PLPPR1: variants seen among roughly 807,000 people sequenced by gnomAD.
PLPPR1 encodes the protein phospholipid phosphatase related 1.
Under a neutral mutation model 33.1 loss-of-function variants are expected in PLPPR1, and 10 were observed. That is an observed-to-expected ratio of 0.30 (90% CI 0.19 to 0.51). The LOEUF (loss-of-function observed/expected upper bound fraction) is 0.51. Ranked by LOEUF, PLPPR1 falls within the 20% of genes least tolerant of loss-of-function variation. The probability of loss-of-function intolerance (pLI) is 0.97; values close to 1 mark genes in which losing one functional copy is unlikely to be tolerated. For synonymous variants in PLPPR1, 151 were observed against 151.0 expected (o/e 1.00, Z 0.00); for missense variants, 304 against 408.1 (o/e 0.74, Z 2.20).
intron 3 of PLPPR1, among the ~76,000 whole-genome samples, chr9:101,274,841 C>T (rs964933686): frequency 6.6e-6 from 1 of 152,182 alleles, no homozygotes; most frequent in African/African-American, 2.4e-5. Context: ...TGTGTGACCT[C>T]TGATAAGCCA....
chr9:101,309,147 T>C, intron 4 of PLPPR1, 64 bp from the exon 5 acceptor site: 2 of 1,547,054 alleles, frequency 1.3e-6, no homozygotes, highest in Middle Eastern at 1.7e-4. Flanking sequence ...CTGTTTTCTC[T>C]TAGGAGAAAA....
At chr9:101,071,054 T>C (rs893725673) in intron 1 of PLPPR1, among the ~76,000 whole-genome samples, 2 of 152,112 alleles carry the variant, frequency 1.3e-5, no homozygotes, top group Non-Finnish European at 2.9e-5. Flanking sequence ...AGAAAGACCA[T>C]CTGGCTGTGT....
chr9:101,085,217 T>C (rs1830662380), intron 1 of PLPPR1, among the ~76,000 whole-genome samples: 1 of 152,160 alleles, frequency 6.6e-6, no homozygotes, highest in Admixed American at 6.5e-5. Context: ...ATGGCATTCA[T>C]ATCCCTGGCC....
intron 1 of PLPPR1, chr9:101,131,526 A>G (rs1467460744): frequency 6.6e-6 from 1 of 152,180 alleles, no homozygotes; most frequent in Non-Finnish European, 1.5e-5. Flanking sequence ...TAGAAGCAGA[A>G]AGTGAGCCAG....
Position 101,111,761 on chromosome 9 carries a change from C to T in PLPPR1, c.-45-73689C>T, listed in dbSNP as rs145667165. ...ATTATTATTTTCTGAGTCTCTCTGA[C>T]CCCACAGCAGTGCAAATGCTTGCAT... On this transcript the variant is annotated intron_variant, in intron 1 of 7. Coordinates refer to ENST00000374874, the MANE Select transcript of PLPPR1 (RefSeq NM_207299.2). Among the ~76,000 whole-genome samples, 7 of 152,268 alleles carry T rather than the reference C, an allele frequency of 4.6e-5. No homozygotes were observed. In the East Asian group the frequency reaches 1.4e-3, roughly 29 times the overall value.
Position 101,324,585 on chromosome 9 carries a change from G to A in PLPPR1, c.*528G>A, listed in dbSNP as rs947087828. On this transcript the variant is annotated 3_prime_UTR_variant, in exon 8 of 8. Transcript: ENST00000374874. ...CTCTGATCTCTTAACAAATTGTTACGTTCAAAGTTTAAAGTGATATATTAA... is the reference window on the plus strand; with the variant it reads ...CTCTGATCTCTTAACAAATTGTTACATTCAAAGTTTAAAGTGATATATTAA... 6.6e-6 allele frequency: 1 copy of A among 152,418 alleles called. No individual in the cohort carries two copies. The highest frequency in any genetic ancestry group is 2.4e-5 in the African/African-American group (1 of 41,422). The allele number at this position is 152,418 out of a possible 1,614,324, so 9.4% of individuals were successfully genotyped here.
chr9:101,223,721 T>C (rs1827001807), intron 2 of PLPPR1, among the ~76,000 whole-genome samples: 1 of 152,138 alleles, frequency 6.6e-6, no homozygotes, highest in Non-Finnish European at 1.5e-5. Context: ...AGGTGCCTTC[T>C]GCCATGATTT....
At chr9:101,143,127 C>T (rs952092470) in intron 1 of PLPPR1, among the ~76,000 whole-genome samples, 1 of 152,076 alleles carries the variant, frequency 6.6e-6, no homozygotes, top group African/African-American at 2.4e-5. Context: ...TCCTGCCTGT[C>T]TACAACTCCA....
chr9:101,135,191 T>G lies in PLPPR1; in HGVS notation c.-45-50259T>G, dbSNP rs1831363645. On this transcript the variant is annotated intron_variant, in intron 1 of 7. Coordinates refer to ENST00000374874, the MANE Select transcript of PLPPR1 (RefSeq NM_207299.2). ...ATGGTAATTTTTCTAATTTTGTAGC[T>G]TAATCGCTGCCCTTTTTCTATCCAC... 2.6e-5 allele frequency among the ~76,000 whole-genome samples: 4 copies of G among 152,142 alleles called. No individual in the cohort carries two copies. In the South Asian group the frequency reaches 8.3e-4, roughly 31 times the overall value.
At chr9:101,251,535 G>T (rs1359711255) in intron 2 of PLPPR1, among the ~76,000 whole-genome samples, 1 of 151,984 alleles carries the variant, frequency 6.6e-6, no homozygotes, top group East Asian at 1.9e-4. Context: ...TGACAGATTT[G>T]ACCATGCCAC....
At chr9:101,204,582 C>T (rs899352693) in intron 2 of PLPPR1, among the ~76,000 whole-genome samples, 8 of 152,136 alleles carry the variant, frequency 5.3e-5, no homozygotes, top group Non-Finnish European at 1.2e-4. Flanking sequence ...CGGTTGGGCT[C>T]TTCTGTTAGG....
intron 1 of PLPPR1, among the ~76,000 whole-genome samples, chr9:101,108,139 G>C (rs191882313): frequency 6.8e-6 from 1 of 146,798 alleles, no homozygotes. Flanking sequence ...GCTGTAGACC[G>C]GAGCTGTTCC....
intron 1 of PLPPR1, among the ~76,000 whole-genome samples, chr9:101,179,851 G>T (rs1472320902): frequency 1.3e-5 from 2 of 151,832 alleles, no homozygotes; most frequent in East Asian, 3.9e-4. Context: ...ACCTTAATCT[G>T]GATGGGCACC....
At chr9:101,274,826 G>A (rs1006211033) in intron 3 of PLPPR1, among the ~76,000 whole-genome samples, 1 of 152,132 alleles carries the variant, frequency 6.6e-6, no homozygotes, top group African/African-American at 2.4e-5. Flanking sequence ...TTTGCCCCCA[G>A]TAACTGTGTG....
chr9:101,323,974 C>T (rs773608744), intron 7 of PLPPR1, 51 bp from the exon 8 acceptor site: 43 of 1,542,490 alleles, frequency 2.8e-5, no homozygotes, highest in Non-Finnish European at 3.4e-5. Context: ...TGAGTGTGCA[C>T]GTGTCAGGCA....
intron 1 of PLPPR1, among the ~76,000 whole-genome samples, chr9:101,126,643 A>G (rs1242943756): frequency 6.6e-6 from 1 of 152,178 alleles, no homozygotes; most frequent in Non-Finnish European, 1.5e-5. Flanking sequence ...TAAGTTTTAT[A>G]GCTAATTGAT....
At chr9:101,068,799 T>C (rs1347164491) in intron 1 of PLPPR1, among the ~76,000 whole-genome samples, 1 of 152,068 alleles carries the variant, frequency 6.6e-6, no homozygotes, top group Non-Finnish European at 1.5e-5. Context: ...AATCCACTGC[T>C]AGCAAATGAA....
At chr9:101,186,546 A>G (rs1485024502) in intron 2 of PLPPR1, among the ~76,000 whole-genome samples, 1 of 151,900 alleles carries the variant, frequency 6.6e-6, no homozygotes, top group East Asian at 1.9e-4. Context: ...GGGTTAAACT[A>G]CTACTCATAT....
intron 1 of PLPPR1, among the ~76,000 whole-genome samples, chr9:101,095,298 G>C (rs746379332): frequency 2.6e-5 from 4 of 152,158 alleles, no homozygotes; most frequent in Admixed American, 6.6e-5. Flanking sequence ...TTCTGCTGAG[G>C]AGTTTTCTGA....
Sources: allele counts gnomAD v4.1 joint callset (sites outside exome capture counted in the v4.1 genomes callset), GRCh38; gene constraint gnomAD v4.1.1; transcripts MANE v1.5; gene names NCBI Gene and HGNC (gene_info 2026-07-23, HGNC 2026-07-21).